RAB28: variants seen among roughly 807,000 people sequenced by gnomAD.
RAB28 encodes ras-related protein Rab-28.
Under a neutral mutation model 31.7 loss-of-function variants are expected in RAB28, and 24 were observed. The observed-to-expected ratio is 0.76, with a 90% CI of 0.55 to 1.06. The LOEUF (loss-of-function observed/expected upper bound fraction) is 1.06. RAB28 is among the 50% of genes least tolerant of loss of function. RAB28 has a pLI of 0.00. For synonymous variants in RAB28, 100 were observed against 90.4 expected (o/e 1.11, Z -0.60); for missense variants, 254 against 258.5 (o/e 0.98, Z 0.12).
At chr4:13,394,258 T>G (rs908957311) in intron 4 of RAB28, among the ~76,000 whole-genome samples, 2 of 152,132 alleles carry the variant, frequency 1.3e-5, no homozygotes, top group African/African-American at 4.8e-5. Context: ...TGGAAGACAA[T>G]TTTTCCACAG....
At chr4:13,374,169 T>A (rs963131267) in intron 6 of RAB28, among the ~76,000 whole-genome samples, 12 of 151,970 alleles carry the variant, frequency 7.9e-5, no homozygotes, top group Non-Finnish European at 1.2e-4. Context: ...TATAGAAGAG[T>A]GCTGCAGTAA....
At chr4:13,431,867 A>C (rs1373503429) in intron 4 of RAB28, among the ~76,000 whole-genome samples, 1 of 152,160 alleles carries the variant, frequency 6.6e-6, no homozygotes. Flanking sequence ...CAGCAGAAGA[A>C]TTCAAGCAGT....
At chr4:13,444,445 C>T (rs897436765) in intron 4 of RAB28, among the ~76,000 whole-genome samples, 4 of 152,110 alleles carry the variant, frequency 2.6e-5, no homozygotes, top group Non-Finnish European at 4.4e-5. Context: ...CATAGGCAGA[C>T]TCCATATCTT....
intron 4 of RAB28, among the ~76,000 whole-genome samples, chr4:13,456,776 C>G (rs1715325275): frequency 6.6e-6 from 1 of 151,880 alleles, no homozygotes; most frequent in Non-Finnish European, 1.5e-5. Flanking sequence ...TACTAGTTGC[C>G]ATTCTTTCAT....
At chr4:13,404,241 G>C (rs763069231) in intron 4 of RAB28, among the ~76,000 whole-genome samples, 2 of 152,078 alleles carry the variant, frequency 1.3e-5, no homozygotes, top group African/African-American at 2.4e-5. Context: ...AGCCAGGCGG[G>C]GTGGCGCATG....
intron 4 of RAB28, among the ~76,000 whole-genome samples, chr4:13,435,469 T>G (rs1560292036): frequency 2.0e-5 from 3 of 151,864 alleles, no homozygotes; most frequent in Non-Finnish European, 4.4e-5. Flanking sequence ...TAAACAAGAC[T>G]GATAGACTGC....
chr4:13,387,656 G>C (rs1729435180), intron 4 of RAB28, among the ~76,000 whole-genome samples: 1 of 152,030 alleles, frequency 6.6e-6, no homozygotes, highest in African/African-American at 2.4e-5. Flanking sequence ...GTATTTGCTA[G>C]ATTCTCCTTC....
chr4:13,442,825 T>C (rs1278842659), intron 4 of RAB28, among the ~76,000 whole-genome samples: 1 of 152,112 alleles, frequency 6.6e-6, no homozygotes. Context: ...AGTCCCACTT[T>C]ACAGATGACA....
chr4:13,370,839 T>G, intron 6 of RAB28: 1 of 961,600 alleles, frequency 1.0e-6, no homozygotes, highest in South Asian at 4.8e-5. Flanking sequence ...TATCTAAGAG[T>G]TTTACTAAAT....
intron 4 of RAB28, among the ~76,000 whole-genome samples, chr4:13,407,568 G>A (rs927672863): frequency 6.6e-5 from 10 of 152,120 alleles, no homozygotes; most frequent in African/African-American, 2.2e-4. Flanking sequence ...GCTTGATGGG[G>A]ATGGCATTGA....
intron 4 of RAB28, among the ~76,000 whole-genome samples, chr4:13,442,090 CAAAT>C (rs1714448125): frequency 6.6e-6 from 1 of 152,204 alleles, no homozygotes; most frequent in Admixed American, 6.5e-5. Context: ...AGGGTAATCT[CAAAT>C]AGTCAATCCT....
intron 6 of RAB28, chr4:13,371,320 G>A: frequency 2.0e-6 from 2 of 985,188 alleles, no homozygotes; most frequent in Non-Finnish European, 1.2e-6. Flanking sequence ...GTGAAATATT[G>A]TATACCATTA....
intron 4 of RAB28, among the ~76,000 whole-genome samples, chr4:13,395,189 A>T (rs1412161858): frequency 2.0e-5 from 3 of 152,194 alleles, no homozygotes; most frequent in East Asian, 1.9e-4. Flanking sequence ...TCACTACTTT[A>T]AAAATACGCA....
At chr4:13,370,459 A>G in intron 6 of RAB28, 1 of 773,838 alleles carries the variant, frequency 1.3e-6, no homozygotes, top group South Asian at 5.9e-5. Context: ...ATCTATTCAC[A>G]AGTTGCTGAG....
chr4:13,429,927 C>G lies in RAB28; in HGVS notation c.391+30772G>C, dbSNP rs970582196. On this transcript the variant is annotated intron_variant, in intron 4 of 6. Coordinates refer to ENST00000330852, the MANE Select transcript of RAB28 (RefSeq NM_001017979.3). ...AATCTAATAAATCTTAAAACTGATA[C>G]AGTAATCTACAGTAAGTTACAGTAA... Among the ~76,000 whole-genome samples, 89 of 152,222 alleles carry G rather than the reference C, an allele frequency of 5.8e-4. 1 individual carries two copies. Among genetic ancestry groups the G allele is most frequent in the Middle Eastern group, 3.4e-3 (1 of 294 alleles).
At chr4:13,430,300 G>A (rs1713742751) in intron 4 of RAB28, among the ~76,000 whole-genome samples, 2 of 152,120 alleles carry the variant, frequency 1.3e-5, no homozygotes, top group African/African-American at 4.8e-5. Context: ...ATTCCAAAAG[G>A]AAAACTAAAG....
At chr4:13,402,557 T>C (rs933746344) in intron 4 of RAB28, among the ~76,000 whole-genome samples, 4 of 152,206 alleles carry the variant, frequency 2.6e-5, no homozygotes, top group Non-Finnish European at 5.9e-5. Flanking sequence ...AACTTTCTTT[T>C]GATTAGTCTT....
At chr4:13,393,855 C>CAA (rs759509251) in intron 4 of RAB28, among the ~76,000 whole-genome samples, 4,462 of 79,310 alleles carry the variant, frequency 0.056, 176 homozygotes, top group Non-Finnish European at 0.071. Flanking sequence ...TCACAGGCTA[C>CAA]AAAAAAAAAA....
chr4:13,398,357 A>G (rs1159694438), intron 4 of RAB28, among the ~76,000 whole-genome samples: 1 of 152,154 alleles, frequency 6.6e-6, no homozygotes, highest in Non-Finnish European at 1.5e-5. Context: ...ACTTCCACAT[A>G]CTAGGTAGAT....
Sources: allele counts gnomAD v4.1 joint callset (sites outside exome capture counted in the v4.1 genomes callset), GRCh38; gene constraint gnomAD v4.1.1; transcripts MANE v1.5; gene names NCBI Gene and HGNC (gene_info 2026-07-23, HGNC 2026-07-21).